Variants in NRG1 observed in about 807,000 individuals in gnomAD.
NRG1 encodes neuregulin 1, also known as pro-neuregulin-1, membrane-bound isoform.
Under a neutral mutation model 63.8 loss-of-function variants are expected in NRG1, and 18 were observed. The ratio of observed to expected loss-of-function variants is 0.28; its 90% CI spans 0.19 to 0.42. The LOEUF (loss-of-function observed/expected upper bound fraction) is 0.42, where lower values mean the gene tolerates loss of function less well. Ranked by LOEUF, NRG1 falls within the 10% of genes least tolerant of loss-of-function variation. The pLI, the probability that NRG1 is intolerant of heterozygous loss-of-function variation, is 1.00. For synonymous variants in NRG1, 302 were observed against 301.3 expected, an observed-to-expected ratio of 1.00 and a Z score of -0.02; for missense variants, 762 against 814.7, an observed-to-expected ratio of 0.94 and a Z score of 0.79.
At chr8:32,563,117 G>C (rs1836757754) in intron 1 of NRG1, among the ~76,000 whole-genome samples, 1 of 152,118 alleles carries the variant, frequency 6.6e-6, no homozygotes, top group South Asian at 2.1e-4. Context: ...AACATTATGA[G>C]CTTTTTTGTG....
chr8:32,307,005 A>G (rs1281656582), intron 1 of NRG1, among the ~76,000 whole-genome samples: 2 of 152,310 alleles, frequency 1.3e-5, no homozygotes, highest in South Asian at 2.1e-4. Flanking sequence ...CACTTCCCAG[A>G]TAAGGAGGTT....
At chr8:31,742,997 T>A (rs1586081260) in intron 1 of NRG1, among the ~76,000 whole-genome samples, 1 of 151,996 alleles carries the variant, frequency 6.6e-6, no homozygotes, top group South Asian at 2.1e-4. Context: ...ATCCATCTAC[T>A]TTCCAAATAT....
chr8:32,119,547 A>G (rs1170367388), intron 1 of NRG1, among the ~76,000 whole-genome samples: 1 of 152,040 alleles, frequency 6.6e-6, no homozygotes, highest in Non-Finnish European at 1.5e-5. Flanking sequence ...TTTAAACTAT[A>G]TTTCTCATCT....
intron 1 of NRG1, among the ~76,000 whole-genome samples, chr8:31,874,530 C>A (rs747419157): frequency 3.3e-5 from 5 of 152,146 alleles, no homozygotes; most frequent in Non-Finnish European, 7.4e-5. Context: ...TACAGGCATG[C>A]AATGCATTAT....
chr8:32,043,719 A>C (rs972043580), intron 1 of NRG1, among the ~76,000 whole-genome samples: 53 of 152,032 alleles, frequency 3.5e-4, no homozygotes, highest in African/African-American at 1.2e-3. Flanking sequence ...TAAAGTATTG[A>C]TTCTAAATAT....
rs577396208 is a variant in NRG1 at position 32,054,848 on chromosome 8, C to G, written c.37+415417C>G. 5.2e-4 allele frequency among the ~76,000 whole-genome samples: 69 copies of G among 132,662 alleles called. 1 individual carries two copies. The highest frequency in any genetic ancestry group is 7.5e-4 in the South Asian group (3 of 4,014). The allele number at this position is 132,662 out of a possible 152,430, so 87.0% of individuals were successfully genotyped here. A position where few individuals can be genotyped will look rare whatever the true frequency, so the allele number is the denominator to read the frequency against. On this transcript the variant is annotated intron_variant, in intron 1 of 10. Coordinates refer to the NRG1 transcript ENST00000519301. ...AAAAGCAAGCATTTCCCTTGAAAAG[C>G]AGATTTCTTTCTTTCTTTTTTTTTT... is the stretch of plus-strand genomic sequence containing the variant.
chr8:32,355,751 G>A (rs1806301295), intron 1 of NRG1, among the ~76,000 whole-genome samples: 1 of 152,002 alleles, frequency 6.6e-6, no homozygotes, highest in Non-Finnish European at 1.5e-5. Flanking sequence ...GTCTTTATAA[G>A]TTGTTTTATT....
intron 1 of NRG1, among the ~76,000 whole-genome samples, chr8:31,906,351 A>G (rs1362594439): frequency 6.6e-6 from 1 of 152,148 alleles, no homozygotes; most frequent in Non-Finnish European, 1.5e-5. Context: ...AGAAATGAAA[A>G]TCCTTCAGTT....
At chr8:32,112,514 T>G (rs1832166418) in intron 1 of NRG1, among the ~76,000 whole-genome samples, 1 of 152,248 alleles carries the variant, frequency 6.6e-6, no homozygotes, top group Non-Finnish European at 1.5e-5. Context: ...GCATCCATCT[T>G]GCAAAGCAAA....
intron 7 of NRG1, among the ~76,000 whole-genome samples, chr8:32,747,000 A>C (rs1198457430): frequency 6.6e-6 from 1 of 150,766 alleles, no homozygotes; most frequent in Non-Finnish European, 1.5e-5. Context: ...GTTAGGGCTT[A>C]TGGCCAGAAG....
chr8:32,760,636 C>CTGGG, intron 11 of NRG1: 1 of 1,338,036 alleles, frequency 7.5e-7, no homozygotes, highest in Non-Finnish European at 9.6e-7. Flanking sequence ...TCTTAAAGAG[C>CTGGG]TGGGATGCTT....
chr8:32,309,364 C>A (rs1856567009), intron 1 of NRG1, among the ~76,000 whole-genome samples: 1 of 152,158 alleles, frequency 6.6e-6, no homozygotes, highest in Non-Finnish European at 1.5e-5. Flanking sequence ...ATGTACTGCC[C>A]TGGCCAGATT....
chr8:31,856,630 A>G (rs1335593936), intron 1 of NRG1, among the ~76,000 whole-genome samples: 1 of 152,178 alleles, frequency 6.6e-6, no homozygotes, highest in East Asian at 1.9e-4. Flanking sequence ...GTCATTCTCC[A>G]TCCAGCTTTG....
chr8:32,093,883 C>T (rs866328948), intron 1 of NRG1, among the ~76,000 whole-genome samples: 5 of 152,104 alleles, frequency 3.3e-5, no homozygotes, highest in Admixed American at 1.3e-4. Context: ...TGTGGATGTA[C>T]CTCTCTTGAA....
At chr8:32,014,139 T>C (rs927647081) in intron 1 of NRG1, among the ~76,000 whole-genome samples, 1 of 152,180 alleles carries the variant, frequency 6.6e-6, no homozygotes, top group African/African-American at 2.4e-5. Context: ...TAAATTACTT[T>C]GGGCAGTATG....
chr8:32,019,260 G>C (rs1009472433), intron 1 of NRG1, among the ~76,000 whole-genome samples: 1 of 152,094 alleles, frequency 6.6e-6, no homozygotes, highest in Non-Finnish European at 1.5e-5. Context: ...CACCAGGCCC[G>C]GCTAATTTTT....
intron 1 of NRG1, among the ~76,000 whole-genome samples, chr8:32,159,090 G>C (rs140519382): frequency 1.1e-4 from 17 of 152,258 alleles, no homozygotes; most frequent in East Asian, 3.9e-4. Context: ...ATGGACTTTT[G>C]AGTTGACTAA....
chr8:32,740,289 G>A (rs886703596), intron 6 of NRG1, among the ~76,000 whole-genome samples: 7 of 138,828 alleles, frequency 5.0e-5, no homozygotes, highest in Admixed American at 3.2e-4. Context: ...TCTGCCTCCC[G>A]GGTTCAAGTG....
intron 1 of NRG1, among the ~76,000 whole-genome samples, chr8:32,461,569 G>A (rs746226834): frequency 1.3e-5 from 2 of 151,982 alleles, no homozygotes. Context: ...GTGGTGGCGG[G>A]CGCCTGTAAT....
Sources: allele counts gnomAD v4.1 joint callset (sites outside exome capture counted in the v4.1 genomes callset), GRCh38; gene constraint gnomAD v4.1.1; transcripts MANE v1.5; gene names NCBI Gene and HGNC (gene_info 2026-07-23, HGNC 2026-07-21).